Variants in SLC6A11 observed in about 807,000 individuals in gnomAD.
SLC6A11 encodes solute carrier family 6 member 11, also known as sodium- and chloride-dependent GABA transporter 3.
In SLC6A11, 25 loss-of-function variants were observed where a neutral mutation model predicts 74.8. That is an observed-to-expected ratio of 0.33 (90% CI 0.24 to 0.47). The LOEUF is 0.47. Ranked by LOEUF, SLC6A11 falls within the 20% of genes least tolerant of loss-of-function variation. SLC6A11 has a pLI of 1.00. For missense variants in SLC6A11, 574 were observed against 837.0 expected, an observed-to-expected ratio of 0.69 and a Z score of 3.88; for synonymous variants, 330 against 330.2, an observed-to-expected ratio of 1.00 and a Z score of 0.01.
chr3:10,893,809 T>G (rs1695137598), intron 6 of SLC6A11, among the ~76,000 whole-genome samples: 1 of 152,184 alleles, frequency 6.6e-6, no homozygotes, highest in Non-Finnish European at 1.5e-5. Context: ...CTAGCCCCCA[T>G]CCATGCATTC....
chr3:10,874,444 C>A (rs544380140), intron 5 of SLC6A11, among the ~76,000 whole-genome samples: 51 of 152,236 alleles, frequency 3.4e-4, no homozygotes, highest in African/African-American at 1.2e-3. Context: ...ACCAGGAAGC[C>A]CTTCTTTCCT....
intron 6 of SLC6A11, among the ~76,000 whole-genome samples, chr3:10,891,451 A>G (rs912141661): frequency 1.3e-5 from 2 of 152,238 alleles, no homozygotes; most frequent in Non-Finnish European, 2.9e-5. Flanking sequence ...AATTTTATTC[A>G]TAAAATCATG....
At chr3:10,899,133 T>C (rs887030200) in intron 6 of SLC6A11, among the ~76,000 whole-genome samples, 7 of 152,290 alleles carry the variant, frequency 4.6e-5, no homozygotes, top group African/African-American at 1.2e-4. Flanking sequence ...CATGTGGGAA[T>C]TGTGGGAGTA....
At chr3:10,842,080 G>T (rs1372315501) in intron 4 of SLC6A11, among the ~76,000 whole-genome samples, 2 of 152,182 alleles carry the variant, frequency 1.3e-5, no homozygotes, top group Admixed American at 1.3e-4. Context: ...TCTTAATCTG[G>T]GCAAAGGAGA....
chr3:10,879,266 A>T (rs1055060289), intron 6 of SLC6A11, among the ~76,000 whole-genome samples: 1 of 152,156 alleles, frequency 6.6e-6, no homozygotes, highest in South Asian at 2.1e-4. Context: ...AAAAGCAACT[A>T]TGTCCCCAAA....
chr3:10,851,372 C>A (rs1296491631), intron 5 of SLC6A11, among the ~76,000 whole-genome samples: 1 of 150,182 alleles, frequency 6.7e-6, no homozygotes, highest in Non-Finnish European at 1.5e-5. Context: ...TGTTTTTATT[C>A]TTTTCAAAGC....
At chr3:10,914,177 T>G (rs1695424505) in intron 7 of SLC6A11, among the ~76,000 whole-genome samples, 1 of 152,080 alleles carries the variant, frequency 6.6e-6, no homozygotes, top group Non-Finnish European at 1.5e-5. Context: ...GGTGATAGCG[T>G]CCCTCCCACA....
At chr3:10,895,977 TCTC>T (rs1301112903) in intron 6 of SLC6A11, among the ~76,000 whole-genome samples, 3 of 152,226 alleles carry the variant, frequency 2.0e-5, no homozygotes, top group Non-Finnish European at 2.9e-5. Context: ...TGAGAGGATG[TCTC>T]CTCCTTTCTC....
intron 7 of SLC6A11, among the ~76,000 whole-genome samples, chr3:10,913,824 G>A (rs1054369475): frequency 6.6e-6 from 1 of 152,158 alleles, no homozygotes. Context: ...CTCCCGAGTT[G>A]CTGGGACTAC....
chr3:10,920,443 T>G (rs1307510752), intron 8 of SLC6A11, among the ~76,000 whole-genome samples: 1 of 152,216 alleles, frequency 6.6e-6, no homozygotes, highest in Non-Finnish European at 1.5e-5. Flanking sequence ...TTCTTCCATT[T>G]ATAATAAAGC....
intron 4 of SLC6A11, among the ~76,000 whole-genome samples, chr3:10,830,941 C>T (rs763332450): frequency 3.9e-5 from 6 of 152,124 alleles, no homozygotes; most frequent in Admixed American, 6.5e-5. Context: ...ACCTAAGGCT[C>T]CTTCCTCCGG....
At chr3:10,873,412 A>T (rs1379581372) in intron 5 of SLC6A11, among the ~76,000 whole-genome samples, 1 of 147,656 alleles carries the variant, frequency 6.8e-6, no homozygotes, top group African/African-American at 2.6e-5. Context: ...ATCCTATCCT[A>T]TCCTATCCTA....
chr3:10,844,392 C>T (rs751717042), intron 5 of SLC6A11, 46 bp downstream of exon 5: 17 of 1,612,186 alleles, frequency 1.1e-5, no homozygotes, highest in Admixed American at 5.0e-5. Context: ...GGGGAAGGCA[C>T]GAGCTCACAG....
intron 4 of SLC6A11, among the ~76,000 whole-genome samples, chr3:10,840,040 C>A (rs544608242): frequency 6.6e-6 from 1 of 152,150 alleles, no homozygotes; most frequent in Non-Finnish European, 1.5e-5. Flanking sequence ...ACCGTTCATT[C>A]CTCCCATGGC....
At chr3:10,921,127 G>A (rs755697751) in intron 8 of SLC6A11, among the ~76,000 whole-genome samples, 1 of 152,200 alleles carries the variant, frequency 6.6e-6, no homozygotes, top group African/African-American at 2.4e-5. Context: ...TAAGCCTAGT[G>A]CCTGAGATTT....
intron 5 of SLC6A11, among the ~76,000 whole-genome samples, chr3:10,867,352 T>G (rs761396875): frequency 3.3e-5 from 5 of 152,222 alleles, no homozygotes; most frequent in Non-Finnish European, 5.9e-5. Flanking sequence ...TAGAATTCCC[T>G]AGGCTTGGAG....
intron 4 of SLC6A11, among the ~76,000 whole-genome samples, chr3:10,831,039 AG>A (rs1694289700): frequency 2.0e-5 from 3 of 152,170 alleles, no homozygotes; most frequent in African/African-American, 7.2e-5. Flanking sequence ...AATACACTGA[AG>A]GGAATAAGAG....
intron 6 of SLC6A11, among the ~76,000 whole-genome samples, chr3:10,896,182 C>G (rs989262830): frequency 6.6e-6 from 1 of 152,240 alleles, no homozygotes; most frequent in Admixed American, 6.5e-5. Flanking sequence ...AACATCCACA[C>G]CAGGGTGGGG....
intron 7 of SLC6A11, among the ~76,000 whole-genome samples, chr3:10,913,781 C>T (rs1695418247): frequency 6.6e-6 from 1 of 152,190 alleles, no homozygotes; most frequent in African/African-American, 2.4e-5. Context: ...ACAAGCTCTG[C>T]CTCCCAGGTT....
Sources: gnomAD v4.1 joint callset for allele counts (sites outside exome capture counted in the v4.1 genomes callset) on GRCh38, gnomAD v4.1.1 for gene constraint, MANE v1.5 for transcripts, NCBI Gene and HGNC (gene_info 2026-07-23, HGNC 2026-07-21) for gene names.